Variants in SSBP3 observed in about 807,000 individuals in gnomAD.
SSBP3 encodes the protein single-stranded DNA-binding protein 3.
SSBP3 carries 5 observed loss-of-function variants against 69.6 expected under a neutral mutation model. The ratio of observed to expected loss-of-function variants is 0.07; its 90% CI spans 0.04 to 0.15. The LOEUF (loss-of-function observed/expected upper bound fraction) is 0.15. SSBP3 is among the 10% of genes least tolerant of loss of function. SSBP3 has a pLI of 1.00. For synonymous variants in SSBP3, 196 were observed against 193.4 expected, an observed-to-expected ratio of 1.01 and a Z score of -0.11; for missense variants, 312 against 534.0, an observed-to-expected ratio of 0.58 and a Z score of 4.10.
chr1:54,316,082 C>T (rs958554194), intron 4 of SSBP3, among the ~76,000 whole-genome samples: 1 of 152,222 alleles, frequency 6.6e-6, no homozygotes, highest in African/African-American at 2.4e-5. Flanking sequence ...CGGTGGCTCA[C>T]GCCTGTAATC....
chr1:54,228,616 C>T (rs746283764), intron 15 of SSBP3, 132 bp downstream of exon 15: 365 of 1,473,766 alleles, frequency 2.5e-4, no homozygotes, highest in Non-Finnish European at 3.2e-4. Context: ...TGCGGCATCC[C>T]TCTCAGGATC....
chr1:54,379,197 C>T (rs1012379682), intron 4 of SSBP3, among the ~76,000 whole-genome samples: 1 of 152,246 alleles, frequency 6.6e-6, no homozygotes, highest in African/African-American at 2.4e-5. Context: ...TACGCAGGAG[C>T]GACATGCGGG....
chr1:54,328,207 AATG>A (rs1646345699), intron 4 of SSBP3, among the ~76,000 whole-genome samples: 1 of 152,092 alleles, frequency 6.6e-6, no homozygotes, highest in Non-Finnish European at 1.5e-5. Flanking sequence ...CGCAGCGAAC[AATG>A]AGTCAGAGGC....
intron 5 of SSBP3, among the ~76,000 whole-genome samples, chr1:54,263,885 C>A (rs79179757): frequency 0.022 from 3,281 of 152,312 alleles, 99 homozygotes; most frequent in East Asian, 0.061. Flanking sequence ...TCATAGGAAC[C>A]AGGAAGAAAA....
exon 1 of SSBP3, chr1:54,406,365 C>CGCT (rs1649774350): frequency 1.1e-3 from 1 of 916 alleles, no homozygotes; most frequent in African/African-American, 0.012. Flanking sequence ...GCACCGCTGC[C>CGCT]GCCGCCGCCG....
intron 4 of SSBP3, among the ~76,000 whole-genome samples, chr1:54,378,104 G>A (rs1569988604): frequency 6.6e-6 from 1 of 152,076 alleles, no homozygotes; most frequent in South Asian, 2.1e-4. Context: ...ACCCCAAAAA[G>A]CAGATGCCCT....
intron 4 of SSBP3, among the ~76,000 whole-genome samples, chr1:54,313,639 T>C (rs994427890): frequency 1.3e-5 from 2 of 152,148 alleles, no homozygotes; most frequent in Non-Finnish European, 2.9e-5. Flanking sequence ...GCCTGGAGTG[T>C]TCCTGCCCTG....
At chr1:54,253,483 C>T (rs2100723660) in intron 7 of SSBP3, among the ~76,000 whole-genome samples, 1 of 152,248 alleles carries the variant, frequency 6.6e-6, no homozygotes, top group South Asian at 2.1e-4. Context: ...TGAGCCTCCG[C>T]ACCTGGCCTA....
upstream of SSBP3, among the ~76,000 whole-genome samples, chr1:54,409,037 G>C (rs558430821): frequency 6.6e-6 from 1 of 152,140 alleles, no homozygotes; most frequent in African/African-American, 2.4e-5. Flanking sequence ...CCCTAAGTAG[G>C]TGTGTGGCTG....
chr1:54,364,880 G>T (rs1056877517), intron 4 of SSBP3, among the ~76,000 whole-genome samples: 1 of 152,264 alleles, frequency 6.6e-6, no homozygotes, highest in Non-Finnish European at 1.5e-5. Flanking sequence ...ACACAACTCT[G>T]CCCGTGAATA....
At chr1:54,269,053 A>C (rs533588527) in intron 5 of SSBP3, among the ~76,000 whole-genome samples, 10 of 152,232 alleles carry the variant, frequency 6.6e-5, no homozygotes, top group Non-Finnish European at 1.3e-4. Context: ...TTAATACACC[A>C]AGCTGTGGCT....
chr1:54,349,674 T>A (rs1394637748), intron 4 of SSBP3, among the ~76,000 whole-genome samples: 2 of 149,636 alleles, frequency 1.3e-5, no homozygotes, highest in Non-Finnish European at 3.0e-5. Flanking sequence ...TGGCTGGGGG[T>A]CACAAGAGGT....
At chr1:54,375,626 G>A (rs558258998) in intron 4 of SSBP3, among the ~76,000 whole-genome samples, 2 of 152,284 alleles carry the variant, frequency 1.3e-5, no homozygotes, top group Admixed American at 6.5e-5. Context: ...CATGAGAGGC[G>A]CCCCCAGCCA....
intron 4 of SSBP3, among the ~76,000 whole-genome samples, chr1:54,313,161 C>T (rs758997813): frequency 4.0e-5 from 6 of 151,698 alleles, no homozygotes; most frequent in Non-Finnish European, 5.9e-5. Flanking sequence ...GGGTGTACAA[C>T]GGCAGAGAAA....
chr1:54,399,557 C>T (rs1006287779), intron 4 of SSBP3, among the ~76,000 whole-genome samples: 3 of 152,070 alleles, frequency 2.0e-5, no homozygotes, highest in South Asian at 4.1e-4. Flanking sequence ...GAGATGAAGG[C>T]GTGATCACAG....
At chr1:54,356,961 G>GACA (rs1243856263) in intron 4 of SSBP3, 3 of 152,296 alleles carry the variant, frequency 2.0e-5, no homozygotes, top group Non-Finnish European at 1.5e-5. Context: ...AGAAAGGCCT[G>GACA]ACACAGTCTC....
At chr1:54,329,199 G>A (rs1646362977) in intron 4 of SSBP3, among the ~76,000 whole-genome samples, 1 of 144,784 alleles carries the variant, frequency 6.9e-6, no homozygotes, top group Admixed American at 6.7e-5. Flanking sequence ...GACCATCAAA[G>A]GCAGGGAGGG....
chr1:54,289,188 C>A (rs1645560142), intron 4 of SSBP3, among the ~76,000 whole-genome samples: 1 of 152,056 alleles, frequency 6.6e-6, no homozygotes. Context: ...TTGAGACTGT[C>A]TATATGTTTT....
intron 13 of SSBP3, among the ~76,000 whole-genome samples, chr1:54,239,491 G>A (rs1644566160): frequency 6.6e-6 from 1 of 152,088 alleles, no homozygotes; most frequent in East Asian, 1.9e-4. Context: ...ACACTGCCTG[G>A]GACAACATGG....
Sources: gnomAD v4.1 joint callset for allele counts (sites outside exome capture counted in the v4.1 genomes callset) on GRCh38, gnomAD v4.1.1 for gene constraint, MANE v1.5 for transcripts, NCBI Gene and HGNC (gene_info 2026-07-23, HGNC 2026-07-21) for gene names.